SYNE2: variants seen among roughly 807,000 people sequenced by gnomAD.
SYNE2 encodes the protein nesprin-2.
Under a neutral mutation model 856.3 loss-of-function variants are expected in SYNE2, and 431 were observed. The observed-to-expected ratio is 0.50, with a 90% CI of 0.47 to 0.55. The LOEUF (loss-of-function observed/expected upper bound fraction) is 0.55. Among genes scored for constraint, SYNE2 ranks in the 20% least tolerant of loss-of-function variants. The pLI is 0.00. For missense variants in SYNE2, 8,129 were observed against 8,023.2 expected, an observed-to-expected ratio of 1.01 and a Z score of -0.50; for synonymous variants, 2,923 against 2,872.3, an observed-to-expected ratio of 1.02 and a Z score of -0.56.
At chr14:64,214,528 C>G (rs990800156) in intron 106 of SYNE2, 58 bp downstream of exon 106, 9 of 1,515,630 alleles carry the variant, frequency 5.9e-6, no homozygotes, top group South Asian at 5.9e-5. Flanking sequence ...GTTTTTAGCC[C>G]CTTAGCAACA....
At chr14:64,022,050 T>C (rs748480613) in intron 37 of SYNE2, 22 bp downstream of exon 37, 3 of 1,612,000 alleles carry the variant, frequency 1.9e-6, no homozygotes, top group Non-Finnish European at 2.5e-6. Context: ...ATTTCTCTTA[T>C]TTTGTTTCTG....
chr14:64,040,441 CA>C (rs1160193146), intron 45 of SYNE2, among the ~76,000 whole-genome samples: 1 of 151,274 alleles, frequency 6.6e-6, no homozygotes, highest in African/African-American at 2.4e-5. Context: ...CAACAAACAA[CA>C]AAAAAAGTCA....
chr14:64,185,521 T>C (rs75583857), intron 96 of SYNE2, among the ~76,000 whole-genome samples: 1 of 2,670 alleles, frequency 3.7e-4, no homozygotes, highest in East Asian at 6.7e-3. Flanking sequence ...TTCTTTTTCT[T>C]TTTTTTTTTT....
At position 64,128,505 on chromosome 14, in the gene SYNE2, A is replaced by G. The variant is rs746513728; in HGVS notation, c.13971A>G (p.Gln4657=). ...TCATTAAGAGTAAGACATCTTTACA[A>G]CAGTCTTTGAATGAAATCAGTGGGC... ...HQLIKSKTSL[Q]QSLNEISGQS... The change falls in exon 74 of 116, where the codon CAA becomes CAG. Residue 4657 remains glutamine (Q), a synonymous_variant. Transcript: ENST00000555002. 1 of 1,610,260 alleles carries G rather than the reference A, an allele frequency of 6.2e-7. No homozygotes were observed. Among genetic ancestry groups the G allele is most frequent in the South Asian group, 1.1e-5 (1 of 91,016 alleles).
rs180854787 is a variant in SYNE2, at chr14:63,921,696, A to G, written c.79+12469A>G. Among the ~76,000 whole-genome samples the G allele has an allele frequency of 1.2e-3, 185 of 152,262 alleles. 1 individual carries two copies. The highest frequency in any genetic ancestry group is 3.4e-3 in the Middle Eastern group (1 of 292). On this transcript the variant is annotated intron_variant, in intron 2 of 115. Transcript: ENST00000555002. The stretch of plus-strand genomic sequence containing the variant: ...TAGGTAGTGTTTGGGGCAGCCCGAA[A>G]TATATAAGTGGCCTAGGTGAGAATT...
Position 64,188,651 on chromosome 14 carries a change from C to T in SYNE2, c.17814C>T (p.Asn5938=), listed in dbSNP as rs763048494. 1.8e-5 allele frequency: 29 copies of T among 1,613,980 alleles called. No homozygotes were observed. The highest frequency in any genetic ancestry group is 2.4e-5 in the Non-Finnish European group (28 of 1,180,030). ...ELCAWLVQME[N]KVLQTADISI... ...GTGCCTGGCTGGTGCAGATGGAAAACAAAGTTCTACAGACAGCGGACATTA... is the reference window on the plus strand; with the variant it reads ...GTGCCTGGCTGGTGCAGATGGAAAATAAAGTTCTACAGACAGCGGACATTA... The change falls in exon 98 of 116, where the codon AAC becomes AAT. Residue 5938 remains asparagine (N), a synonymous_variant. Coordinates refer to ENST00000555002, the MANE Select transcript of SYNE2 (RefSeq NM_182914.3).
intron 103 of SYNE2, among the ~76,000 whole-genome samples, chr14:64,211,101 C>T (rs1382999540): frequency 6.6e-6 from 1 of 152,134 alleles, no homozygotes; most frequent in Non-Finnish European, 1.5e-5. Flanking sequence ...CCTGCCTCAG[C>T]CTCCTGAGTA....
intron 96 of SYNE2, among the ~76,000 whole-genome samples, chr14:64,180,106 T>C (rs1367589749): frequency 6.6e-6 from 1 of 152,270 alleles, no homozygotes; most frequent in Non-Finnish European, 1.5e-5. Flanking sequence ...TAGCCAGTTG[T>C]CTTGGTGCCT....
chr14:63,871,666 A>T (rs1426950829), intron 1 of SYNE2, among the ~76,000 whole-genome samples: 2 of 142,250 alleles, frequency 1.4e-5, no homozygotes, highest in African/African-American at 5.3e-5. Flanking sequence ...GCTAACTTTT[A>T]TGTTTTTTGT....
intron 95 of SYNE2, 98 bp from the exon 96 acceptor site, chr14:64,177,260 T>C (rs1038759424): frequency 6.0e-6 from 9 of 1,493,026 alleles, no homozygotes; most frequent in African/African-American, 5.6e-5. Flanking sequence ...AAAAACAAAC[T>C]TAATAGAAAG....
At chr14:64,009,136 A>G (rs988193867) in intron 31 of SYNE2, among the ~76,000 whole-genome samples, 3 of 152,178 alleles carry the variant, frequency 2.0e-5, no homozygotes, top group African/African-American at 4.8e-5. Flanking sequence ...AGAGTCTCAG[A>G]CTAAGCAGTG....
Position 63,998,359 on chromosome 14 carries a change from C to T in SYNE2, c.3353+31C>T, listed in dbSNP as rs540153410. 7 of 1,432,936 alleles carry T rather than the reference C, an allele frequency of 4.9e-6. No individual in the cohort carries two copies. In the African/African-American group the frequency reaches 8.4e-5, roughly 17 times the overall value. 88.8% of individuals were successfully genotyped at this position (1,432,936 alleles called of 1,614,324 possible). On this transcript the variant is annotated intron_variant, in intron 26 of 115. Coordinates refer to ENST00000555002, the MANE Select transcript of SYNE2 (RefSeq NM_182914.3). ...CTCTTTTTAAAAACAACTGGAAAAT[C>T]CACCAGAAGTCTTTCATCGATGCAA...
intron 52 of SYNE2, among the ~76,000 whole-genome samples, chr14:64,072,838 C>T (rs553582044): frequency 1.3e-5 from 2 of 152,280 alleles, no homozygotes; most frequent in African/African-American, 4.8e-5. Flanking sequence ...ATCAAGGGAT[C>T]CTTTGATACC....
chr14:63,877,636 G>A (rs1329221497), intron 1 of SYNE2, among the ~76,000 whole-genome samples: 2 of 152,166 alleles, frequency 1.3e-5, no homozygotes, highest in African/African-American at 2.4e-5. Flanking sequence ...TGATTTTCTG[G>A]GCTTCTCATA....
chr14:63,952,271 A>G (rs1173183497), intron 7 of SYNE2, among the ~76,000 whole-genome samples: 1 of 152,284 alleles, frequency 6.6e-6, no homozygotes, highest in East Asian at 1.9e-4. Context: ...AGTGCCTGCC[A>G]GTCAGTGCAG....
chr14:64,082,603 A>G (rs2097532756), intron 57 of SYNE2, among the ~76,000 whole-genome samples: 1 of 152,102 alleles, frequency 6.6e-6, no homozygotes, highest in South Asian at 2.1e-4. Flanking sequence ...TTTGCCAACA[A>G]CCTGAATGAT....
intron 35 of SYNE2, 83 bp downstream of exon 35, chr14:64,020,176 G>A (rs1299379771): frequency 1.2e-5 from 11 of 942,614 alleles, no homozygotes; most frequent in Non-Finnish European, 1.7e-5. Flanking sequence ...CTGGGCGACA[G>A]AGCAAAACCC....
chr14:64,221,201 CAGG>C (rs1020343629), intron 111 of SYNE2, among the ~76,000 whole-genome samples: 4 of 152,148 alleles, frequency 2.6e-5, no homozygotes, highest in African/African-American at 9.7e-5. Flanking sequence ...GGCTGTGTCT[CAGG>C]GAACGTGAGC....
chr14:63,805,349 C>T (rs1888318253), intron 1 of SYNE2, among the ~76,000 whole-genome samples: 1 of 152,188 alleles, frequency 6.6e-6, no homozygotes, highest in Admixed American at 6.5e-5. Context: ...TATCCATGAG[C>T]ATGGAATATT....
Sources: allele counts gnomAD v4.1 joint callset (sites outside exome capture counted in the v4.1 genomes callset), GRCh38; gene constraint gnomAD v4.1.1; transcripts MANE v1.5; gene names NCBI Gene and HGNC (gene_info 2026-07-23, HGNC 2026-07-21).